Variants in RAB27B observed in about 807,000 individuals in gnomAD.
RAB27B encodes ras-related protein Rab-27B.
In RAB27B, 15 loss-of-function variants were observed where a neutral mutation model predicts 24.6. The observed-to-expected ratio is 0.61, with a 90% CI of 0.41 to 0.94. The LOEUF is 0.94. Among genes scored for constraint, RAB27B ranks in the 40% least tolerant of loss-of-function variants. RAB27B has a pLI of 0.00. For synonymous variants in RAB27B, 105 were observed against 92.5 expected, an observed-to-expected ratio of 1.14 and a Z score of -0.78; for missense variants, 261 against 266.8, an observed-to-expected ratio of 0.98 and a Z score of 0.15.
chr18:54,722,741 A>G (rs1281226529), intron 2 of RAB27B, among the ~76,000 whole-genome samples: 3 of 152,354 alleles, frequency 2.0e-5, no homozygotes, highest in Non-Finnish European at 2.9e-5. Flanking sequence ...ATGCACATGT[A>G]TTCCCCCAAG....
intron 3 of RAB27B, among the ~76,000 whole-genome samples, chr18:54,881,228 C>T (rs1912911228): frequency 6.6e-6 from 1 of 152,072 alleles, no homozygotes; most frequent in African/African-American, 2.4e-5. Context: ...TATTGCAAAT[C>T]GACTTGCAGG....
At chr18:54,866,770 A>C (rs986823833) in intron 1 of RAB27B, among the ~76,000 whole-genome samples, 1 of 152,164 alleles carries the variant, frequency 6.6e-6, no homozygotes, top group Non-Finnish European at 1.5e-5. Context: ...TCATTCTGGC[A>C]CTGGGAGCCA....
At chr18:54,749,333 C>G (rs1488545427) in intron 2 of RAB27B, among the ~76,000 whole-genome samples, 2 of 152,158 alleles carry the variant, frequency 1.3e-5, no homozygotes, top group Non-Finnish European at 2.9e-5. Flanking sequence ...ATTTTCAAAG[C>G]ACTCGCATGC....
intron 2 of RAB27B, among the ~76,000 whole-genome samples, chr18:54,786,500 T>C (rs7245017): frequency 0.022 from 3,343 of 152,280 alleles, 121 homozygotes; most frequent in African/African-American, 0.076. Flanking sequence ...AAGTGTCTCA[T>C]CTGAAATATG....
chr18:54,747,826 G>A (rs1489607860), intron 2 of RAB27B, among the ~76,000 whole-genome samples: 5 of 152,170 alleles, frequency 3.3e-5, no homozygotes, highest in East Asian at 3.9e-4. Context: ...AATGTTTCTC[G>A]GCTGGGCTTG....
intron 2 of RAB27B, among the ~76,000 whole-genome samples, chr18:54,818,797 A>C (rs912975473): frequency 6.6e-6 from 1 of 152,170 alleles, no homozygotes; most frequent in Non-Finnish European, 1.5e-5. Context: ...GAAAATGAGA[A>C]GTTCTTATTA....
intron 2 of RAB27B, among the ~76,000 whole-genome samples, chr18:54,804,926 CTTTCTTTCTTTCTTTCTTTCTTTCTTT>C (rs2145137111): frequency 2.7e-5 from 2 of 74,696 alleles, no homozygotes; most frequent in East Asian, 7.7e-4. Flanking sequence ...TTCTTTCTTT[CTTTCTTTCTTTCTTTCTTTCTTTCTTT>C]CTCTTTCTTT....
intron 2 of RAB27B, among the ~76,000 whole-genome samples, chr18:54,738,527 T>C (rs1368690413): frequency 1.3e-5 from 2 of 152,144 alleles, no homozygotes; most frequent in East Asian, 1.9e-4. Flanking sequence ...TCCACCATGA[T>C]TGTAAGTTTC....
At chr18:54,766,280 G>T (rs1234301612) in intron 2 of RAB27B, among the ~76,000 whole-genome samples, 1 of 152,122 alleles carries the variant, frequency 6.6e-6, no homozygotes, top group African/African-American at 2.4e-5. Context: ...AGTCATTATG[G>T]ATTAATGAAA....
chr18:54,892,250 G>T lies in RAB27B; in HGVS notation c.*2837G>T, dbSNP rs1025307021. 6.6e-6 allele frequency: 1 copy of T among 151,980 alleles called. No individual in the cohort carries two copies. Among genetic ancestry groups the T allele is most frequent in the African/African-American group, 2.4e-5 (1 of 41,414 alleles). 9.4% of individuals were successfully genotyped at this position (151,980 alleles called of 1,614,324 possible). A position where few individuals can be genotyped will look rare whatever the true frequency, so the allele number is the denominator to read the frequency against. On this transcript the variant is annotated 3_prime_UTR_variant, in exon 6 of 6. Coordinates refer to ENST00000262094, the MANE Select transcript of RAB27B (RefSeq NM_004163.4). ...AAACCATTTCTGGAGTATTTACACT[G>T]GTTTGATGTTTACATTGCTCTAACT...
rs1277552793 is a variant in RAB27B, at chr18:54,890,307, A to G, written c.*894A>G. 1.3e-5 allele frequency: 2 copies of G among 152,118 alleles called. No homozygotes were observed. The highest frequency in any genetic ancestry group is 2.9e-5 in the Non-Finnish European group (2 of 67,998). 9.4% of individuals were successfully genotyped at this position (152,118 alleles called of 1,614,324 possible). A position where few individuals can be genotyped will look rare whatever the true frequency, so the allele number is the denominator to read the frequency against. The stretch of plus-strand genomic sequence containing the variant: ...AAATTGGTTTGGTGTTCAGCTTCAC[A>G]TTTCATTTTTTCTTAGCACATGTTG... On this transcript the variant is annotated 3_prime_UTR_variant, in exon 6 of 6. Coordinates refer to ENST00000262094, the MANE Select transcript of RAB27B (RefSeq NM_004163.4).
At chr18:54,885,388 C>T (rs577172757) in intron 4 of RAB27B, among the ~76,000 whole-genome samples, 1 of 152,158 alleles carries the variant, frequency 6.6e-6, no homozygotes, top group African/African-American at 2.4e-5. Context: ...CACTTACCTA[C>T]AAGGTCACTG....
intron 2 of RAB27B, among the ~76,000 whole-genome samples, chr18:54,759,566 A>G (rs1908114766): frequency 6.6e-6 from 1 of 152,222 alleles, no homozygotes; most frequent in African/African-American, 2.4e-5. Flanking sequence ...TACTGGGTAG[A>G]GGAGGGCAGT....
intron 1 of RAB27B, among the ~76,000 whole-genome samples, chr18:54,851,311 G>A (rs1911578110): frequency 6.6e-6 from 1 of 152,028 alleles, no homozygotes; most frequent in Admixed American, 6.6e-5. Flanking sequence ...TATGTAATAT[G>A]TTTATGTGAT....
intron 1 of RAB27B, among the ~76,000 whole-genome samples, chr18:54,857,642 A>G (rs1219401959): frequency 3.9e-5 from 6 of 152,182 alleles, no homozygotes; most frequent in Admixed American, 6.5e-5. Context: ...TGATGGGTGC[A>G]TGCTTGATGT....
chr18:54,826,875 C>G (rs1401942928), upstream of RAB27B, among the ~76,000 whole-genome samples: 1 of 152,046 alleles, frequency 6.6e-6, no homozygotes, highest in Non-Finnish European at 1.5e-5. Context: ...GTTGTGAAAG[C>G]CAAATGAGAT....
At position 54,893,453 on chromosome 18, in the gene RAB27B, A is replaced by C. The variant is rs1333701189; in HGVS notation, c.*4040A>C. 6.6e-6 allele frequency: 1 copy of C among 152,032 alleles called. No homozygotes were observed. Among genetic ancestry groups the C allele is most frequent in the African/African-American group, 2.4e-5 (1 of 41,432 alleles). The allele number at this position is 152,032 out of a possible 1,614,324, so 9.4% of individuals were successfully genotyped here. ...TAGTGTATTTGAATATTTTAGAGAA[A>C]GCTTTATCATTTTTTAAGATGCCAA... is the stretch of plus-strand genomic sequence containing the variant. On this transcript the variant is annotated 3_prime_UTR_variant, in exon 6 of 6. Transcript: ENST00000262094.
chr18:54,878,997 A>G (rs1383879198), intron 2 of RAB27B, among the ~76,000 whole-genome samples: 2 of 152,168 alleles, frequency 1.3e-5, no homozygotes, highest in Admixed American at 1.3e-4. Flanking sequence ...GTAACTCTGT[A>G]AATCAGGAAG....
chr18:54,723,393 A>G (rs866923881), intron 2 of RAB27B, among the ~76,000 whole-genome samples: 2 of 152,078 alleles, frequency 1.3e-5, no homozygotes, highest in Non-Finnish European at 2.9e-5. Context: ...TTATTTTGTC[A>G]TTTTCTTCAA....
Sources: gnomAD v4.1 joint callset for allele counts (sites outside exome capture counted in the v4.1 genomes callset) on GRCh38, gnomAD v4.1.1 for gene constraint, MANE v1.5 for transcripts, NCBI Gene and HGNC (gene_info 2026-07-23, HGNC 2026-07-21) for gene names.